The following GRAMD1C variants were observed in gnomAD, a reference collection of about 807,000 sequenced individuals.
GRAMD1C encodes GRAM domain containing 1C, also known as protein Aster-C.
GRAMD1C carries 89 observed loss-of-function variants against 97.8 expected under a neutral mutation model. The ratio of observed to expected loss-of-function variants is 0.91; its 90% confidence interval spans 0.77 to 1.09. GRAMD1C has a LOEUF of 1.09. Ranked by LOEUF, GRAMD1C falls within the 50% of genes least tolerant of loss-of-function variation. The pLI is 0.00. For missense variants in GRAMD1C, 740 were observed against 766.4 expected (o/e 0.97, Z 0.41); for synonymous variants, 256 against 267.0 (o/e 0.96, Z 0.40).
intron 17 of GRAMD1C, among the ~76,000 whole-genome samples, chr3:113,942,087 C>T (rs1255131242): frequency 6.6e-6 from 1 of 150,426 alleles, no homozygotes; most frequent in East Asian, 2.0e-4. Flanking sequence ...CTAATTTTTG[C>T]AGTTTTTGTA....
At chr3:113,863,093 C>G (rs1252086365) in intron 2 of GRAMD1C, among the ~76,000 whole-genome samples, 2 of 151,984 alleles carry the variant, frequency 1.3e-5, no homozygotes, top group African/African-American at 2.4e-5. Context: ...GATATATACC[C>G]CAGAGAATTT....
At position 113,867,028 on chromosome 3, in the gene GRAMD1C, A is replaced by G. The variant is rs1042994316; in HGVS notation, c.175-2479A>G. Among the ~76,000 whole-genome samples the G allele has an allele frequency of 7.2e-5, 11 of 152,158 alleles. No homozygotes were observed. In the East Asian group the frequency reaches 2.1e-3, roughly 29 times the overall value. On this transcript the variant is annotated intron_variant, in intron 2 of 17. Transcript: ENST00000358160. The stretch of plus-strand genomic sequence containing the variant: ...GTATTTTTAGTAGAGATGGGGTTTC[A>G]CCATCTTGGCCAGACTGGTCTTGAA...
Position 113,946,259 on chromosome 3 carries a change from A to T in GRAMD1C, c.*781A>T, listed in dbSNP as rs573682399. On this transcript the variant is annotated 3_prime_UTR_variant, in exon 18 of 18. Transcript: ENST00000358160. ...AGATCAAATGCATACTTGAACTAAGATTGGCTTCAGCTTAGCAGTCTTTCA... is the reference window on the plus strand; with the variant it reads ...AGATCAAATGCATACTTGAACTAAGTTTGGCTTCAGCTTAGCAGTCTTTCA... 1 of 152,758 alleles carries T rather than the reference A, an allele frequency of 6.5e-6. No individual in the cohort carries two copies. Among genetic ancestry groups the T allele is most frequent in the Admixed American group, 6.5e-5 (1 of 15,308 alleles). 9.5% of individuals were successfully genotyped at this position (152,758 alleles called of 1,614,324 possible). A position where few individuals can be genotyped will look rare whatever the true frequency, so the allele number is the denominator to read the frequency against.
intron 2 of GRAMD1C, among the ~76,000 whole-genome samples, chr3:113,848,497 G>GA (rs1553715012): frequency 6.7e-6 from 1 of 148,406 alleles, no homozygotes; most frequent in Non-Finnish European, 1.5e-5. Flanking sequence ...TGTTGTATTT[G>GA]TTTTTTTTTT....
chr3:113,869,913 T>G (rs923452031), intron 3 of GRAMD1C, among the ~76,000 whole-genome samples: 1 of 152,162 alleles, frequency 6.6e-6, no homozygotes, highest in Non-Finnish European at 1.5e-5. Context: ...GAAATATTAT[T>G]GAGCCATAAA....
At chr3:113,864,135 T>G (rs1301323569) in intron 2 of GRAMD1C, among the ~76,000 whole-genome samples, 3 of 152,154 alleles carry the variant, frequency 2.0e-5, no homozygotes, top group African/African-American at 7.2e-5. Flanking sequence ...AATTTTGAGA[T>G]GGAGTCTCAC....
chr3:113,863,169 G>C (rs976893480), intron 2 of GRAMD1C, among the ~76,000 whole-genome samples: 1 of 152,160 alleles, frequency 6.6e-6, no homozygotes, highest in African/African-American at 2.4e-5. Context: ...TAAGCAAAAA[G>C]TTGAAACAAC....
At chr3:113,837,473 A>G (rs993676727), upstream of GRAMD1C, among the ~76,000 whole-genome samples, 1 of 152,240 alleles carries the variant, frequency 6.6e-6, no homozygotes, top group Non-Finnish European at 1.5e-5. Context: ...TAATACATCA[A>G]TCAATACATG....
At chr3:113,922,555 T>C (rs1418465126) in intron 10 of GRAMD1C, among the ~76,000 whole-genome samples, 1 of 152,216 alleles carries the variant, frequency 6.6e-6, no homozygotes, top group Admixed American at 6.5e-5. Flanking sequence ...TTGCTTGTTT[T>C]TGTCAACTTT....
intron 14 of GRAMD1C, among the ~76,000 whole-genome samples, chr3:113,937,431 T>A (rs534655350): frequency 2.0e-4 from 30 of 152,340 alleles, no homozygotes; most frequent in African/African-American, 6.7e-4. Flanking sequence ...TAAGCCCAGT[T>A]CAAATATTAT....
intron 2 of GRAMD1C, among the ~76,000 whole-genome samples, chr3:113,852,305 G>T (rs1031817161): frequency 1.3e-5 from 2 of 151,952 alleles, no homozygotes; most frequent in Non-Finnish European, 2.9e-5. Context: ...GCTTATAAAG[G>T]ATATTTCAGA....
intron 5 of GRAMD1C, 85 bp from the exon 6 acceptor site, chr3:113,882,667 A>T (rs1577159657): frequency 1.3e-6 from 1 of 786,376 alleles, no homozygotes; most frequent in East Asian, 2.5e-5. Flanking sequence ...TTTTAACCAT[A>T]AGCAAGTCCG....
Position 113,875,503 on chromosome 3 carries a change from G to A in GRAMD1C, c.279G>A (p.Gln93=). The change falls in exon 4 of 18, where the codon CAG becomes CAA. Residue 93 remains glutamine, a synonymous_variant. Transcript: ENST00000358160. ...ATATAGATTATGCTTGTGCTCTTCA[G>A]AGGGACATTTTGCTTCAGGGACGAC... ...RLIADYACAL[Q]RDILLQGRLY... 2.0e-6 allele frequency: 3 copies of A among 1,496,590 alleles called. No individual in the cohort carries two copies. The highest frequency in any genetic ancestry group is 1.7e-4 in the Middle Eastern group (1 of 5,900). 92.7% of individuals were successfully genotyped at this position (1,496,590 alleles called of 1,614,324 possible).
At position 113,933,611 on chromosome 3, in the gene GRAMD1C, G is replaced by A. The variant is rs754061293; in HGVS notation, c.1310G>A (p.Arg437Lys). The stretch of plus-strand genomic sequence containing the variant: ...CATGATTACTTCTATACCGTGAACA[G>A]ATACTGTATCATCCGATCTTCAAAA... The part of the protein sequence containing the change: ...PYHDYFYTVN[R>K]YCIIRSSKQK... The change falls in exon 12 of 18, where the codon AGA becomes AAA. Residue 437 changes from arginine to lysine, a missense_variant. Coordinates refer to ENST00000358160, the MANE Select transcript of GRAMD1C (RefSeq NM_017577.5). The A allele has an allele frequency of 6.2e-7, 1 of 1,604,682 alleles. No homozygotes were observed. Among genetic ancestry groups the A allele is most frequent in the South Asian group, 1.1e-5 (1 of 90,880 alleles).
intron 6 of GRAMD1C, chr3:113,885,337 G>GT: frequency 6.3e-7 from 1 of 1,591,342 alleles, no homozygotes; most frequent in Non-Finnish European, 8.6e-7. Flanking sequence ...GCGCACGTTC[G>GT]TGGCCTTCGC....
chr3:113,919,626 T>C (rs2107347088), intron 10 of GRAMD1C: 1 of 632,206 alleles, frequency 1.6e-6, no homozygotes, highest in Non-Finnish European at 2.9e-6. Flanking sequence ...AAAGTGACAA[T>C]AGTGAGAAGA....
chr3:113,848,094 G>C (rs1002386379), intron 2 of GRAMD1C, among the ~76,000 whole-genome samples: 6 of 152,216 alleles, frequency 3.9e-5, no homozygotes, highest in Non-Finnish European at 8.8e-5. Context: ...TTCTAGCCTG[G>C]CTAAATCAGT....
intron 3 of GRAMD1C, among the ~76,000 whole-genome samples, chr3:113,872,398 T>TC (rs1320329201): frequency 5.8e-5 from 8 of 138,006 alleles, no homozygotes; most frequent in South Asian, 2.3e-4. Context: ...TTTCTTTTTT[T>TC]TTTTTTTTTT....
chr3:113,851,272 A>G (rs1277421335), intron 2 of GRAMD1C, among the ~76,000 whole-genome samples: 1 of 152,190 alleles, frequency 6.6e-6, no homozygotes, highest in Non-Finnish European at 1.5e-5. Context: ...TAAAGAAGAT[A>G]GGAGATCTCA....
Sources: gnomAD v4.1 joint callset for allele counts (sites outside exome capture counted in the v4.1 genomes callset) on GRCh38, gnomAD v4.1.1 for gene constraint, MANE v1.5 for transcripts, NCBI Gene and HGNC (gene_info 2026-07-23, HGNC 2026-07-21) for gene names.